MGAT4C: variants seen among roughly 807,000 people sequenced by gnomAD.
MGAT4C encodes the protein MGAT4 family member C.
In MGAT4C, 19 loss-of-function variants were observed where a neutral mutation model predicts 40.1. The ratio of observed to expected loss-of-function variants is 0.47; its 90% CI spans 0.33 to 0.70. The LOEUF is 0.70. Ranked by LOEUF, MGAT4C falls within the 30% of genes least tolerant of loss-of-function variation. The pLI, the probability that MGAT4C is intolerant of heterozygous loss-of-function variation, is 0.02. For synonymous variants in MGAT4C, 181 were observed against 187.1 expected, an observed-to-expected ratio of 0.97 and a Z score of 0.27; for missense variants, 491 against 563.2, an observed-to-expected ratio of 0.87 and a Z score of 1.30.
At chr12:86,323,048 C>G (rs903134184) in intron 4 of MGAT4C, among the ~76,000 whole-genome samples, 3 of 151,320 alleles carry the variant, frequency 2.0e-5, no homozygotes, top group African/African-American at 7.3e-5. Flanking sequence ...TAAAACTCTG[C>G]AACACATGAG....
chr12:86,203,280 C>G (rs1050137008), intron 1 of MGAT4C, among the ~76,000 whole-genome samples: 13 of 152,160 alleles, frequency 8.5e-5, no homozygotes, highest in Middle Eastern at 6.8e-3. Flanking sequence ...CCCTATAAAA[C>G]TTTCTGGGTT....
chr12:86,269,816 A>T (rs1016411361), intron 4 of MGAT4C, among the ~76,000 whole-genome samples: 1 of 152,134 alleles, frequency 6.6e-6, no homozygotes, highest in Non-Finnish European at 1.5e-5. Context: ...GATATTTTTG[A>T]TGGTACCCTG....
At chr12:86,329,813 T>C (rs577979321) in intron 4 of MGAT4C, among the ~76,000 whole-genome samples, 1 of 152,304 alleles carries the variant, frequency 6.6e-6, no homozygotes, top group South Asian at 2.1e-4. Flanking sequence ...ATTTCCATGG[T>C]GTTAGAGTTA....
At chr12:86,232,146 A>G in intron 1 of MGAT4C, among the ~76,000 whole-genome samples, 1 of 144,268 alleles carries the variant, frequency 6.9e-6, no homozygotes, top group South Asian at 2.5e-4. Context: ...AAAAAGAAAA[A>G]AAAAAGGAGG....
intron 2 of MGAT4C, among the ~76,000 whole-genome samples, chr12:86,694,607 T>A (rs948472333): frequency 2.4e-4 from 37 of 152,292 alleles, no homozygotes; most frequent in African/African-American, 8.9e-4. Flanking sequence ...TAAAAATATG[T>A]CATGTCAGGG....
chr12:86,456,336 C>T (rs750423180), intron 2 of MGAT4C, among the ~76,000 whole-genome samples: 1 of 152,044 alleles, frequency 6.6e-6, no homozygotes, highest in South Asian at 2.1e-4. Flanking sequence ...TTAGTTATCG[C>T]ATAATCTTTA....
intron 1 of MGAT4C, among the ~76,000 whole-genome samples, chr12:86,732,397 T>C (rs1950925455): frequency 6.6e-6 from 1 of 152,142 alleles, no homozygotes; most frequent in African/African-American, 2.4e-5. Context: ...CTATTATTAT[T>C]ACATTGTAAT....
chr12:86,032,507 A>G (rs1342679697), intron 2 of MGAT4C, among the ~76,000 whole-genome samples: 2 of 149,846 alleles, frequency 1.3e-5, no homozygotes, highest in East Asian at 1.9e-4. Context: ...CATTTCTCCA[A>G]TTATTAGTAA....
intron 1 of MGAT4C, among the ~76,000 whole-genome samples, chr12:86,050,003 T>C (rs912208029): frequency 1.5e-4 from 23 of 151,976 alleles, no homozygotes; most frequent in Admixed American, 3.9e-4. Flanking sequence ...TAACATAATA[T>C]AGAGATACAC....
chr12:86,565,408 T>G (rs1265246050), intron 2 of MGAT4C, among the ~76,000 whole-genome samples: 1 of 152,218 alleles, frequency 6.6e-6, no homozygotes, highest in African/African-American at 2.4e-5. Flanking sequence ...CAGATGGTTC[T>G]GCAAGGTATG....
intron 1 of MGAT4C, among the ~76,000 whole-genome samples, chr12:86,785,517 A>T (rs1951916248): frequency 6.6e-6 from 1 of 152,016 alleles, no homozygotes; most frequent in African/African-American, 2.4e-5. Flanking sequence ...TCTGGGTTAG[A>T]TAAACCTCAC....
At chr12:86,437,747 T>G (rs184309409) in intron 2 of MGAT4C, among the ~76,000 whole-genome samples, 3 of 152,042 alleles carry the variant, frequency 2.0e-5, no homozygotes, top group Non-Finnish European at 4.4e-5. Flanking sequence ...TTTCCATTAT[T>G]ATTGTATATT....
intron 2 of MGAT4C, among the ~76,000 whole-genome samples, chr12:86,613,427 T>A (rs1220054848): frequency 1.3e-5 from 2 of 152,162 alleles, no homozygotes; most frequent in African/African-American, 4.8e-5. Flanking sequence ...AAGTAAGTAT[T>A]GGGACTTAAT....
intron 2 of MGAT4C, among the ~76,000 whole-genome samples, chr12:86,623,271 G>T (rs937920286): frequency 1.3e-5 from 2 of 152,104 alleles, no homozygotes; most frequent in Non-Finnish European, 2.9e-5. Context: ...CTAAGCCAGA[G>T]TTTCTATTTC....
intron 2 of MGAT4C, among the ~76,000 whole-genome samples, chr12:86,603,786 A>T (rs1292760189): frequency 8.6e-5 from 2 of 23,286 alleles, no homozygotes; most frequent in South Asian, 5.0e-3. Context: ...ATACTATATA[A>T]TATATAGTAT....
chr12:86,438,957 G>A (rs975913830), intron 2 of MGAT4C, among the ~76,000 whole-genome samples: 1 of 151,850 alleles, frequency 6.6e-6, no homozygotes, highest in African/African-American at 2.4e-5. Context: ...TATATGCACT[G>A]TAGCTCCCAG....
intron 2 of MGAT4C, among the ~76,000 whole-genome samples, chr12:86,659,548 T>C (rs186269177): frequency 6.6e-6 from 1 of 152,182 alleles, no homozygotes; most frequent in East Asian, 1.9e-4. Context: ...AAACATTAAA[T>C]ATTAAATAGG....
chr12:86,136,527 G>A lies in MGAT4C; in HGVS notation c.-56-86804C>T, dbSNP rs148893202. Among the ~76,000 whole-genome samples the A allele has an allele frequency of 2.3e-3, 348 of 152,220 alleles. 2 individuals are homozygous for A. The highest frequency in any genetic ancestry group is 7.9e-3 in the African/African-American group (328 of 41,548). Reference sequence around the variant, plus strand: ...AAGATTAGACAAGCAGTTACATCACGAAGACGTTATGCAATGTGAAAGAGT... The same window carrying A: ...AAGATTAGACAAGCAGTTACATCACAAAGACGTTATGCAATGTGAAAGAGT... On this transcript the variant is annotated intron_variant, in intron 1 of 4. Coordinates refer to ENST00000611864, the MANE Select transcript of MGAT4C (RefSeq NM_001351288.2).
At chr12:86,613,837 G>A (rs1244756649) in intron 2 of MGAT4C, among the ~76,000 whole-genome samples, 1 of 151,886 alleles carries the variant, frequency 6.6e-6, no homozygotes, top group Non-Finnish European at 1.5e-5. Flanking sequence ...CAAATCTAAG[G>A]GTTGAACAAA....
Sources: allele counts gnomAD v4.1 joint callset (sites outside exome capture counted in the v4.1 genomes callset), GRCh38; gene constraint gnomAD v4.1.1; transcripts MANE v1.5; gene names NCBI Gene and HGNC (gene_info 2026-07-23, HGNC 2026-07-21).